Variants in EDA observed in about 807,000 individuals in gnomAD.
The protein encoded by EDA is ectodysplasin-A.
EDA carries 2 observed loss-of-function variants against 23.6 expected under a neutral mutation model. The ratio of observed to expected loss-of-function variants is 0.08; its 90% CI spans 0.03 to 0.27. The LOEUF (loss-of-function observed/expected upper bound fraction) is 0.27. Ranked by LOEUF, EDA falls within the 10% of genes least tolerant of loss-of-function variation. The pLI, the probability that EDA is intolerant of heterozygous loss-of-function variation, is 1.00. For missense variants in EDA, 229 were observed against 324.2 expected (o/e 0.71, Z 2.26); for synonymous variants, 131 against 132.0 (o/e 0.99, Z 0.05).
At chrX:69,747,162 T>C (rs374989394) in intron 1 of EDA, among the ~76,000 whole-genome samples, 1 of 110,683 alleles carries the variant, frequency 9.0e-6, no homozygotes, top group African/African-American at 3.3e-5. Flanking sequence ...AAGAAAGAAA[T>C]AAACAGGATA....
At chrX:69,979,104 C>T (rs981121651) in intron 2 of EDA, among the ~76,000 whole-genome samples, 4 of 111,612 alleles carry the variant, frequency 3.6e-5, no homozygotes, top group African/African-American at 1.3e-4. Flanking sequence ...ATTGTACTTT[C>T]TGTATCTATG....
At chrX:69,907,110 A>G (rs1470677389) in intron 1 of EDA, among the ~76,000 whole-genome samples, 1 of 112,004 alleles carries the variant, frequency 8.9e-6, no homozygotes, top group African/African-American at 3.2e-5. Flanking sequence ...AGTGCTGCTG[A>G]TGGTTCCACA....
chrX:69,769,871 A>G (rs952210943), intron 1 of EDA, among the ~76,000 whole-genome samples: 7 of 111,230 alleles, frequency 6.3e-5, no homozygotes, highest in African/African-American at 2.3e-4. Context: ...TCTTCCTTGT[A>G]TGGGCAGGGG....
At chrX:69,897,241 A>G (rs745339849) in intron 1 of EDA, among the ~76,000 whole-genome samples, 173 of 111,425 alleles carry the variant, frequency 1.6e-3, no homozygotes, top group African/African-American at 5.4e-3. Flanking sequence ...CCAAAACAAT[A>G]AATACCATCA....
In EDA at chrX:69,883,971, G is replaced by A. The variant is rs758451154; in HGVS notation, c.397-73056G>A. On this transcript the variant is annotated intron_variant, in intron 1 of 7. Coordinates refer to ENST00000374552, the MANE Select transcript of EDA (RefSeq NM_001399.5). ...AGAGAAAAATTAGCCAGGCGTGGTG[G>A]GAGGATTGCTTGAGCCTGAGAGGTC... Among the ~76,000 whole-genome samples the A allele has an allele frequency of 3.1e-4, 34 of 110,738 alleles. No individual in the cohort carries two copies. In the East Asian group the frequency reaches 7.1e-3, roughly 23 times the overall value.
At chrX:70,019,797 C>T (rs2020004554) in intron 2 of EDA, among the ~76,000 whole-genome samples, 2 of 111,259 alleles carry the variant, frequency 1.8e-5, no homozygotes, top group Non-Finnish European at 1.9e-5. Flanking sequence ...TTGGGTACTA[C>T]GTTTATTACC....
chrX:69,794,267 G>C (rs2520381), intron 1 of EDA, among the ~76,000 whole-genome samples: 33,276 of 110,477 alleles, frequency 0.3, 4,745 homozygotes, highest in Middle Eastern at 0.54. Flanking sequence ...CTCAGACTCT[G>C]TAGGACATTG....
At chrX:69,861,472 G>T (rs2017384673) in intron 1 of EDA, among the ~76,000 whole-genome samples, 1 of 110,777 alleles carries the variant, frequency 9.0e-6, no homozygotes, top group Non-Finnish European at 1.9e-5. Flanking sequence ...ATAACAGTGG[G>T]GAAAAAGGAA....
intron 1 of EDA, among the ~76,000 whole-genome samples, chrX:69,873,559 A>G (rs2017598707): frequency 8.9e-6 from 1 of 112,566 alleles, no homozygotes; most frequent in East Asian, 2.8e-4. Flanking sequence ...TGAAATGGGA[A>G]ATATTACAAC....
At chrX:69,828,718 G>A (rs1353416800) in intron 1 of EDA, among the ~76,000 whole-genome samples, 2 of 112,100 alleles carry the variant, frequency 1.8e-5, no homozygotes, top group East Asian at 2.8e-4. Flanking sequence ...GGCCATCTTG[G>A]CTCCTCCCTC....
chrX:69,643,940 G>A (rs1932872312), intron 1 of EDA, among the ~76,000 whole-genome samples: 1 of 110,858 alleles, frequency 9.0e-6, no homozygotes, highest in Non-Finnish European at 1.9e-5. Flanking sequence ...TTATTTCTGA[G>A]TTCTCTATTC....
intron 1 of EDA, among the ~76,000 whole-genome samples, chrX:69,860,085 T>G (rs991239412): frequency 9.0e-6 from 1 of 111,179 alleles, no homozygotes; most frequent in African/African-American, 3.3e-5. Flanking sequence ...CTTGGTAGAT[T>G]TTTCTCCATC....
intron 2 of EDA, among the ~76,000 whole-genome samples, chrX:69,969,632 G>A (rs2019220914): frequency 8.9e-6 from 1 of 111,938 alleles, no homozygotes; most frequent in African/African-American, 3.2e-5. Context: ...CCTATTTAAA[G>A]GAGAAAGGCA....
At chrX:69,810,154 A>G (rs1263874770) in intron 1 of EDA, among the ~76,000 whole-genome samples, 3 of 102,942 alleles carry the variant, frequency 2.9e-5, no homozygotes, top group African/African-American at 1.1e-4. Flanking sequence ...GCTACTCAGG[A>G]GGCTGAGGCA....
At chrX:70,027,540 A>G (rs1314293070) in intron 3 of EDA, among the ~76,000 whole-genome samples, 1 of 111,903 alleles carries the variant, frequency 8.9e-6, no homozygotes, top group Admixed American at 9.4e-5. Flanking sequence ...TGTAACACTG[A>G]GGCCAGGCGC....
intron 1 of EDA, among the ~76,000 whole-genome samples, chrX:69,725,186 C>A (rs977035820): frequency 1.8e-5 from 2 of 111,699 alleles, no homozygotes; most frequent in African/African-American, 6.5e-5. Flanking sequence ...ACTGCCTTGA[C>A]AAAAACTTTT....
intron 1 of EDA, among the ~76,000 whole-genome samples, chrX:69,867,823 T>C (rs1602496709): frequency 8.9e-6 from 1 of 111,931 alleles, no homozygotes. Flanking sequence ...CACTTCCTCA[T>C]GTAACTTACT....
chrX:69,766,663 G>A (rs1437005694), intron 1 of EDA, among the ~76,000 whole-genome samples: 1 of 112,246 alleles, frequency 8.9e-6, no homozygotes, highest in Admixed American at 9.5e-5. Flanking sequence ...TGGTGTATAT[G>A]TACCACACTT....
intron 5 of EDA, among the ~76,000 whole-genome samples, chrX:70,030,023 TA>T (rs1188624444): frequency 2.7e-5 from 3 of 112,642 alleles, no homozygotes; most frequent in African/African-American, 9.7e-5. Flanking sequence ...TTGAGCTTCC[TA>T]ATCTGTCTCT....
Sources: gnomAD v4.1 joint callset for allele counts (sites outside exome capture counted in the v4.1 genomes callset) on GRCh38, gnomAD v4.1.1 for gene constraint, MANE v1.5 for transcripts, NCBI Gene and HGNC (gene_info 2026-07-23, HGNC 2026-07-21) for gene names.